CACNA2D1: variants seen among roughly 807,000 people sequenced by gnomAD.
CACNA2D1 encodes calcium voltage-gated channel auxiliary subunit alpha2delta 1, also known as voltage-dependent calcium channel subunit alpha-2/delta-1.
In CACNA2D1, 53 loss-of-function variants were observed where a neutral mutation model predicts 171.5. The observed-to-expected ratio is 0.31, with a 90% CI of 0.25 to 0.39. The LOEUF is 0.39. Among genes scored for constraint, CACNA2D1 ranks in the 10% least tolerant of loss-of-function variants. CACNA2D1 has a pLI of 1.00. For missense variants in CACNA2D1, 903 were observed against 1,299.8 expected, an observed-to-expected ratio of 0.69 and a Z score of 4.69; for synonymous variants, 442 against 443.1, an observed-to-expected ratio of 1.00 and a Z score of 0.03.
intron 3 of CACNA2D1, among the ~76,000 whole-genome samples, chr7:82,193,162 A>C (rs1798510228): frequency 6.8e-6 from 1 of 147,218 alleles, no homozygotes; most frequent in Admixed American, 6.9e-5. Context: ...CCCGGGCTTC[A>C]ACCCCTCATA....
chr7:82,156,583 T>C (rs1794397451), intron 4 of CACNA2D1, among the ~76,000 whole-genome samples: 1 of 152,060 alleles, frequency 6.6e-6, no homozygotes, highest in Non-Finnish European at 1.5e-5. Context: ...TGACTGTATA[T>C]CTTTAAAAGT....
intron 3 of CACNA2D1, among the ~76,000 whole-genome samples, chr7:82,177,411 A>G (rs1796657919): frequency 6.6e-6 from 1 of 152,102 alleles, no homozygotes; most frequent in East Asian, 1.9e-4. Flanking sequence ...CTACATGCAA[A>G]GAGAAATTCC....
intron 6 of CACNA2D1, among the ~76,000 whole-genome samples, chr7:82,114,438 T>C (rs150519462): frequency 2.3e-4 from 35 of 152,198 alleles, no homozygotes; most frequent in African/African-American, 7.2e-4. Context: ...CTACCAATAC[T>C]AGACAGAGAA....
chr7:82,122,805 A>G (rs1376373891), intron 5 of CACNA2D1, among the ~76,000 whole-genome samples: 2 of 152,244 alleles, frequency 1.3e-5, no homozygotes, highest in Non-Finnish European at 2.9e-5. Context: ...GAAATGTTTT[A>G]AATGAAGTCA....
intron 1 of CACNA2D1, among the ~76,000 whole-genome samples, chr7:82,432,855 G>A (rs1211880284): frequency 6.6e-6 from 1 of 152,106 alleles, no homozygotes; most frequent in Admixed American, 6.6e-5. Context: ...TGATATTACT[G>A]GAAGATCTTT....
chr7:82,280,408 T>C (rs970921616), intron 3 of CACNA2D1, among the ~76,000 whole-genome samples: 5 of 152,198 alleles, frequency 3.3e-5, no homozygotes, highest in African/African-American at 1.2e-4. Flanking sequence ...AACAGTTCTG[T>C]GGCATTTTTT....
At chr7:82,166,504 C>A (rs7810122) in intron 4 of CACNA2D1, among the ~76,000 whole-genome samples, 4 of 151,796 alleles carry the variant, frequency 2.6e-5, no homozygotes, top group African/African-American at 7.3e-5. Flanking sequence ...TGCAAGCTTC[C>A]TTGGAAACAA....
chr7:81,964,922 T>TA (rs1056225652), intron 32 of CACNA2D1, among the ~76,000 whole-genome samples: 14 of 151,112 alleles, frequency 9.3e-5, no homozygotes, highest in African/African-American at 3.4e-4. Flanking sequence ...ACATATACAA[T>TA]AAAAAAAAGA....
intron 3 of CACNA2D1, among the ~76,000 whole-genome samples, chr7:82,249,352 CTT>C (rs1805357133): frequency 6.6e-6 from 1 of 152,028 alleles, no homozygotes; most frequent in Admixed American, 6.6e-5. Context: ...GAAAAAAAGA[CTT>C]AGGATAAAAT....
chr7:82,312,006 T>C (rs1814525684), intron 3 of CACNA2D1, among the ~76,000 whole-genome samples: 2 of 152,342 alleles, frequency 1.3e-5, no homozygotes, highest in South Asian at 2.1e-4. Context: ...ACTGGTATTA[T>C]AGACACAGTC....
At chr7:82,350,142 T>C (rs895036733) in intron 1 of CACNA2D1, among the ~76,000 whole-genome samples, 1 of 152,216 alleles carries the variant, frequency 6.6e-6, no homozygotes, top group East Asian at 1.9e-4. Flanking sequence ...GAAAGTATGT[T>C]ATATAAAATG....
intron 1 of CACNA2D1, among the ~76,000 whole-genome samples, chr7:82,400,543 C>G (rs1344475716): frequency 1.3e-5 from 2 of 151,632 alleles, no homozygotes; most frequent in African/African-American, 4.8e-5. Context: ...ACACCTTATA[C>G]AAAAATCAAT....
chr7:82,310,869 A>C (rs1814370446), intron 3 of CACNA2D1, among the ~76,000 whole-genome samples: 1 of 152,164 alleles, frequency 6.6e-6, no homozygotes, highest in South Asian at 2.1e-4. Context: ...GACATGTTTA[A>C]TAGGCTTCAC....
chr7:82,163,037 A>G (rs1795104138), intron 4 of CACNA2D1, among the ~76,000 whole-genome samples: 1 of 152,030 alleles, frequency 6.6e-6, no homozygotes, highest in African/African-American at 2.4e-5. Flanking sequence ...AGCCATTAAT[A>G]TATCTATAAC....
intron 3 of CACNA2D1, among the ~76,000 whole-genome samples, chr7:82,196,561 G>A (rs943892619): frequency 3.3e-5 from 5 of 152,022 alleles, no homozygotes; most frequent in African/African-American, 1.2e-4. Context: ...TTTAGGCTTG[G>A]AGCTTGTTGT....
chr7:82,258,594 C>A (rs1442111858), intron 3 of CACNA2D1, among the ~76,000 whole-genome samples: 1 of 152,112 alleles, frequency 6.6e-6, no homozygotes, highest in African/African-American at 2.4e-5. Flanking sequence ...GAGCATCACT[C>A]TAAACAGTTG....
chr7:82,132,968 A>G (rs2129072480), intron 5 of CACNA2D1, among the ~76,000 whole-genome samples: 1 of 152,328 alleles, frequency 6.6e-6, no homozygotes, highest in South Asian at 2.1e-4. Context: ...TATTCCAAAT[A>G]CAGAAAACTG....
chr7:82,335,456 G>C (rs1817881113), intron 2 of CACNA2D1, among the ~76,000 whole-genome samples: 1 of 152,060 alleles, frequency 6.6e-6, no homozygotes, highest in South Asian at 2.1e-4. Context: ...CAAAATATAG[G>C]TTATGTTAAC....
chr7:82,075,311 T>C lies in CACNA2D1; in HGVS notation c.659-8787A>G, dbSNP rs186802937. Among the ~76,000 whole-genome samples the C allele has an allele frequency of 6.7e-4, 102 of 152,214 alleles. 1 individual carries two copies. The highest frequency in any genetic ancestry group is 2.4e-3 in the African/African-American group (100 of 41,516). ...TAAAGCATTTTTATTTAAAGGGGTA[T>C]CTGTCTGTCAGCAGGAGTAGCAGTC... On this transcript the variant is annotated intron_variant, in intron 7 of 38. Transcript: ENST00000356860.
Sources: allele counts gnomAD v4.1 joint callset (sites outside exome capture counted in the v4.1 genomes callset), GRCh38; gene constraint gnomAD v4.1.1; transcripts MANE v1.5; gene names NCBI Gene and HGNC (gene_info 2026-07-23, HGNC 2026-07-21).